TXLNB: variants seen among roughly 807,000 people sequenced by gnomAD.
TXLNB encodes the protein taxilin beta, also known as beta-taxilin.
TXLNB carries 37 observed loss-of-function variants against 57.4 expected under a neutral mutation model. The observed-to-expected ratio is 0.64, with a 90% CI of 0.50 to 0.85. The LOEUF is 0.85. TXLNB is among the 40% of genes least tolerant of loss of function. The pLI is 0.00. For synonymous variants in TXLNB, 302 were observed against 309.6 expected (o/e 0.98, Z 0.26); for missense variants, 848 against 825.6 (o/e 1.03, Z -0.33).
At chr6:139,211,817 A>G in the TXLNB span, among the ~76,000 whole-genome samples, 8 of 152,246 alleles carry the variant, frequency 5.3e-5, no homozygotes, top group Non-Finnish European at 1.0e-4. Context: ...ACGGCACAAG[A>G]ACTACGTGAC....
At chr6:139,209,111 T>C in the TXLNB span, among the ~76,000 whole-genome samples, 1 of 152,128 alleles carries the variant, frequency 6.6e-6, no homozygotes. Flanking sequence ...ACAAAATTAA[T>C]GTACACAAAT....
At chr6:139,228,406 A>G in the TXLNB span, among the ~76,000 whole-genome samples, 2 of 151,836 alleles carry the variant, frequency 1.3e-5, no homozygotes, top group Non-Finnish European at 2.9e-5. Context: ...GGCATCTGTA[A>G]TCCCAGGTAC....
chr6:139,182,548 A>T, the TXLNB span, among the ~76,000 whole-genome samples: 1 of 152,228 alleles, frequency 6.6e-6, no homozygotes, highest in East Asian at 1.9e-4. Context: ...ATTGCTAATT[A>T]TCTAGGCTGT....
the TXLNB span, among the ~76,000 whole-genome samples, chr6:139,322,833 G>A: frequency 6.6e-6 from 1 of 152,160 alleles, no homozygotes; most frequent in African/African-American, 2.4e-5. Flanking sequence ...CTTATTTGCT[G>A]TGTTTATTCT....
the TXLNB span, among the ~76,000 whole-genome samples, chr6:139,188,655 A>C: frequency 1.3e-5 from 2 of 152,348 alleles, no homozygotes; most frequent in South Asian, 4.1e-4. Context: ...TTTTTGTTAG[A>C]TTTATTAATG....
downstream of TXLNB, among the ~76,000 whole-genome samples, chr6:139,238,922 G>T (rs1178409121): frequency 6.6e-6 from 1 of 152,154 alleles, no homozygotes; most frequent in Non-Finnish European, 1.5e-5. Context: ...AAATTGTCCT[G>T]AAACCATCTG....
At chr6:139,287,163 G>A (rs1777197108) in intron 2 of TXLNB, 1 of 152,732 alleles carries the variant, frequency 6.5e-6, no homozygotes. Context: ...AGTTGGAGAT[G>A]TGACCAGCTG....
the TXLNB span, among the ~76,000 whole-genome samples, chr6:139,231,321 C>T: frequency 0.67 from 101,231 of 151,878 alleles, 34,115 homozygotes; most frequent in East Asian, 0.81. Flanking sequence ...GCCCTTCCCA[C>T]GGTGCTGAGT....
At chr6:139,193,753 A>G in the TXLNB span, among the ~76,000 whole-genome samples, 1 of 150,736 alleles carries the variant, frequency 6.6e-6, no homozygotes, top group Non-Finnish European at 1.5e-5. Flanking sequence ...TCCTGGGTAC[A>G]AGCGATTCTC....
intron 5 of TXLNB, among the ~76,000 whole-genome samples, 180 bp from the exon 6 acceptor site, chr6:139,260,617 C>T (rs577324847): frequency 1.8e-4 from 28 of 152,244 alleles, no homozygotes; most frequent in Admixed American, 3.3e-4. Context: ...GAACCCCTCC[C>T]CCTGACTTTG....
chr6:139,277,342 T>C (rs1583021770), intron 2 of TXLNB, among the ~76,000 whole-genome samples: 1 of 152,218 alleles, frequency 6.6e-6, no homozygotes, highest in East Asian at 1.9e-4. Context: ...TTCCGACTAG[T>C]ATGAAACAGC....
At chr6:139,194,373 T>C in the TXLNB span, among the ~76,000 whole-genome samples, 19 of 152,358 alleles carry the variant, frequency 1.2e-4, no homozygotes, top group Admixed American at 6.5e-4. Flanking sequence ...AGAGTATCTA[T>C]CAGACATTTC....
the TXLNB span, among the ~76,000 whole-genome samples, chr6:139,318,056 T>G: frequency 6.6e-6 from 1 of 151,622 alleles, no homozygotes; most frequent in Non-Finnish European, 1.5e-5. Flanking sequence ...GATCACGAGG[T>G]CAGGAGATCG....
intron 8 of TXLNB, among the ~76,000 whole-genome samples, chr6:139,247,097 T>C (rs1160680944): frequency 1.3e-5 from 2 of 152,192 alleles, no homozygotes; most frequent in African/African-American, 4.8e-5. Context: ...TGGTATTTCC[T>C]ATTCTAACAT....
chr6:139,290,386 T>G (rs1203337193), intron 1 of TXLNB, among the ~76,000 whole-genome samples: 1 of 152,144 alleles, frequency 6.6e-6, no homozygotes, highest in Non-Finnish European at 1.5e-5. Flanking sequence ...TCTCAAAAAC[T>G]AAACAAAACA....
At chr6:139,265,452 G>A (rs1475310902) in intron 4 of TXLNB, among the ~76,000 whole-genome samples, 1 of 152,158 alleles carries the variant, frequency 6.6e-6, no homozygotes, top group East Asian at 1.9e-4. Context: ...GTGTCTGTGT[G>A]TGTGTGTGTG....
upstream of TXLNB, among the ~76,000 whole-genome samples, chr6:139,293,060 T>C (rs571742233): frequency 3.2e-4 from 48 of 152,304 alleles, no homozygotes; most frequent in African/African-American, 1.1e-3. Flanking sequence ...GGAGGTTATC[T>C]TGAACTACTG....
intron 2 of TXLNB, among the ~76,000 whole-genome samples, chr6:139,277,800 C>T (rs1455316449): frequency 6.6e-6 from 1 of 152,176 alleles, no homozygotes; most frequent in East Asian, 1.9e-4. Context: ...ATGAAAACCA[C>T]TCTGTTTAAT....
At chr6:139,170,082 G>GT in the TXLNB span, 2 of 152,134 alleles carry the variant, frequency 1.3e-5, no homozygotes, top group Non-Finnish European at 2.9e-5. Context: ...TGGAGTTTGT[G>GT]TTTTTGTTTT....
Sources: gnomAD v4.1 joint callset for allele counts (sites outside exome capture counted in the v4.1 genomes callset) on GRCh38, gnomAD v4.1.1 for gene constraint, MANE v1.5 for transcripts, NCBI Gene and HGNC (gene_info 2026-07-23, HGNC 2026-07-21) for gene names.